MALRD1: variants seen among roughly 807,000 people sequenced by gnomAD.
The protein encoded by MALRD1 is MAM and LDL-receptor class A domain-containing protein 1.
MALRD1 carries 247 observed loss-of-function variants against 242.1 expected under a neutral mutation model. The ratio of observed to expected loss-of-function variants is 1.02; its 90% CI spans 0.92 to 1.13. The LOEUF is 1.13. MALRD1 is among the 50% of genes most tolerant of loss of function. MALRD1 has a pLI of 0.00. For synonymous variants in MALRD1, 995 were observed against 866.6 expected (o/e 1.15, Z -2.60); for missense variants, 2,989 against 2,533.1 (o/e 1.18, Z -3.86).
chr10:19,609,331 T>C (rs1276650353), intron 35 of MALRD1, among the ~76,000 whole-genome samples: 2 of 152,096 alleles, frequency 1.3e-5, no homozygotes, highest in South Asian at 2.1e-4. Flanking sequence ...ATCCCTATTA[T>C]ATTATGTTTT....
At chr10:19,289,297 C>T (rs1841293345) in intron 21 of MALRD1, among the ~76,000 whole-genome samples, 2 of 152,266 alleles carry the variant, frequency 1.3e-5, no homozygotes, top group South Asian at 4.1e-4. Context: ...CTACCACTTT[C>T]AATAGACTGG....
chr10:19,169,320 A>C (rs1317630930), intron 13 of MALRD1, among the ~76,000 whole-genome samples: 4 of 152,218 alleles, frequency 2.6e-5, no homozygotes, highest in Admixed American at 6.5e-5. Flanking sequence ...GCTGTGAATC[A>C]GTCTGGATTT....
intron 13 of MALRD1, among the ~76,000 whole-genome samples, chr10:19,170,208 A>G (rs1834864186): frequency 6.6e-6 from 1 of 152,190 alleles, no homozygotes; most frequent in African/African-American, 2.4e-5. Context: ...TAGGTCAAAG[A>G]GTTAATAGCA....
chr10:19,211,369 T>A (rs1044301735), intron 18 of MALRD1, among the ~76,000 whole-genome samples: 1 of 151,768 alleles, frequency 6.6e-6, no homozygotes, highest in Non-Finnish European at 1.5e-5. Flanking sequence ...AAATCAGAGA[T>A]CCTCCATGCT....
rs549033074 is a variant in MALRD1 at position 19,101,746 on chromosome 10, A to G, written c.598-2233A>G. On this transcript the variant is annotated intron_variant, in intron 4 of 39. Coordinates refer to ENST00000454679, the MANE Select transcript of MALRD1 (RefSeq NM_001142308.3). ...ATAATATATACATTATATCACATAT[A>G]TAATATATATTATAATATGTATATT... is the stretch of plus-strand genomic sequence containing the variant. Among the ~76,000 whole-genome samples the G allele has an allele frequency of 2.9e-5, 4 of 136,294 alleles. No homozygotes were observed. In the East Asian group the frequency reaches 8.4e-4, roughly 29 times the overall value. The allele number at this position is 136,294 out of a possible 152,430, so 89.4% of individuals were successfully genotyped here. A position where few individuals can be genotyped will look rare whatever the true frequency, so the allele number is the denominator to read the frequency against.
chr10:19,528,859 C>A (rs1227874030), intron 31 of MALRD1, among the ~76,000 whole-genome samples: 2 of 152,132 alleles, frequency 1.3e-5, no homozygotes, highest in Non-Finnish European at 1.5e-5. Flanking sequence ...ACCACTACCC[C>A]CAACATTGGA....
chr10:19,249,673 A>G (rs1839219911), intron 18 of MALRD1, among the ~76,000 whole-genome samples: 2 of 152,018 alleles, frequency 1.3e-5, no homozygotes, highest in African/African-American at 4.8e-5. Flanking sequence ...TCTAAACAAT[A>G]AGAAGTTTGT....
At chr10:19,120,737 T>G (rs905140093) in intron 5 of MALRD1, among the ~76,000 whole-genome samples, 1 of 152,182 alleles carries the variant, frequency 6.6e-6, no homozygotes, top group African/African-American at 2.4e-5. Context: ...GCCACTGACT[T>G]GTACACTTTT....
intron 38 of MALRD1, 34 bp from the exon 39 acceptor site, chr10:19,730,672 G>T: frequency 1.3e-6 from 2 of 1,530,580 alleles, no homozygotes; most frequent in Non-Finnish European, 8.8e-7. Flanking sequence ...AATGTCAATA[G>T]TTTTTTATTT....
chr10:19,702,524 G>A (rs1359136316), intron 38 of MALRD1, among the ~76,000 whole-genome samples: 1 of 151,966 alleles, frequency 6.6e-6, no homozygotes, highest in Non-Finnish European at 1.5e-5. Flanking sequence ...CTGGTATCTG[G>A]GATTGTATGC....
intron 18 of MALRD1, among the ~76,000 whole-genome samples, chr10:19,233,034 A>G (rs1212415733): frequency 6.6e-6 from 1 of 151,990 alleles, no homozygotes; most frequent in African/African-American, 2.4e-5. Context: ...TTAAAAAACA[A>G]TTTTTTTTAG....
At chr10:19,381,813 T>A (rs978286018) in intron 26 of MALRD1, among the ~76,000 whole-genome samples, 1 of 152,076 alleles carries the variant, frequency 6.6e-6, no homozygotes, top group African/African-American at 2.4e-5. Context: ...CACTCCAGCC[T>A]GGGTGACAGA....
At chr10:19,520,409 A>G (rs1833826926) in intron 31 of MALRD1, among the ~76,000 whole-genome samples, 1 of 151,130 alleles carries the variant, frequency 6.6e-6, no homozygotes, top group Non-Finnish European at 1.5e-5. Context: ...TAGTTACTCT[A>G]GTTGCTGTTT....
At chr10:19,156,741 A>T (rs536743236) in intron 12 of MALRD1, among the ~76,000 whole-genome samples, 1 of 152,176 alleles carries the variant, frequency 6.6e-6, no homozygotes, top group Non-Finnish European at 1.5e-5. Flanking sequence ...TACCTTTCCC[A>T]TCATTGTATG....
At chr10:19,424,035 G>GA (rs553147379) in intron 28 of MALRD1, among the ~76,000 whole-genome samples, 175 of 151,986 alleles carry the variant, frequency 1.2e-3, no homozygotes, top group South Asian at 3.7e-3. Flanking sequence ...AAATAAAACA[G>GA]AAAAAAAGAC....
intron 26 of MALRD1, among the ~76,000 whole-genome samples, chr10:19,369,159 T>C (rs946718472): frequency 1.6e-5 from 2 of 122,308 alleles, no homozygotes; most frequent in Non-Finnish European, 3.4e-5. Context: ...ATATATAAAC[T>C]AATATTTATA....
intron 1 of MALRD1, among the ~76,000 whole-genome samples, chr10:19,050,418 T>C (rs1219737917): frequency 6.6e-6 from 1 of 152,098 alleles, no homozygotes; most frequent in African/African-American, 2.4e-5. Context: ...AAAATATCAA[T>C]TCATGTTTAC....
chr10:19,468,078 G>A (rs1426288977), intron 29 of MALRD1, among the ~76,000 whole-genome samples: 1 of 149,072 alleles, frequency 6.7e-6, no homozygotes, highest in African/African-American at 2.5e-5. Flanking sequence ...ACATATGTGA[G>A]CTACCACACC....
chr10:19,386,614 C>A (rs1208731093), intron 26 of MALRD1, among the ~76,000 whole-genome samples: 1 of 151,978 alleles, frequency 6.6e-6, no homozygotes, highest in East Asian at 1.9e-4. Flanking sequence ...CTTTATTTCC[C>A]TCATTCATGT....
Sources: allele counts gnomAD v4.1 joint callset (sites outside exome capture counted in the v4.1 genomes callset), GRCh38; gene constraint gnomAD v4.1.1; transcripts MANE v1.5; gene names NCBI Gene and HGNC (gene_info 2026-07-23, HGNC 2026-07-21).